SPINDOC: variants seen among roughly 807,000 people sequenced by gnomAD.
The protein encoded by SPINDOC is spindlin interactor and repressor of chromatin binding.
SPINDOC carries 13 observed loss-of-function variants against 30.7 expected under a neutral mutation model. That is an observed-to-expected ratio of 0.42 (90% CI 0.28 to 0.67). The LOEUF (loss-of-function observed/expected upper bound fraction) is 0.67, where lower values mean the gene tolerates loss of function less well. SPINDOC is among the 30% of genes least tolerant of loss of function. SPINDOC has a pLI of 0.22. For synonymous variants in SPINDOC, 228 were observed against 211.4 expected (o/e 1.08, Z -0.68); for missense variants, 438 against 518.0 (o/e 0.85, Z 1.50).
chr11:63,813,833 C>T lies in SPINDOC; in HGVS notation c.127+20C>T, dbSNP rs1211880374. On this transcript the variant is annotated intron_variant, in intron 1 of 5. Transcript: ENST00000294244. ...TCAGAGGTGAGGATGGAGGGGATTC[C>T]ACTTCCGCGTCACGGTGCGGGGCCG... 1.3e-6 allele frequency: 2 copies of T among 1,506,750 alleles called. No homozygotes were observed. The allele number at this position is 1,506,750 out of a possible 1,614,324, so 93.3% of individuals were successfully genotyped here. A position where few individuals can be genotyped will look rare whatever the true frequency, so the allele number is the denominator to read the frequency against.
At position 63,813,556 on chromosome 11, in the gene SPINDOC, G is replaced by A. The variant is rs1003438408; in HGVS notation, c.-131G>A. Reference sequence around the variant, plus strand: ...GGCCGGCGAGCGGCGGGCGGGCGGCGGGGAGGGGGCTGCGCGGGGCGGGCG... The same window carrying A: ...GGCCGGCGAGCGGCGGGCGGGCGGCAGGGAGGGGGCTGCGCGGGGCGGGCG... On this transcript the variant is annotated 5_prime_UTR_variant, in exon 1 of 6. Coordinates refer to ENST00000294244, the MANE Select transcript of SPINDOC (RefSeq NM_138471.3). 233 of 755,140 alleles carry A rather than the reference G, an allele frequency of 3.1e-4. No individual in the cohort carries two copies. Among genetic ancestry groups the A allele is most frequent in the Non-Finnish European group, 3.6e-4 (225 of 619,444 alleles). 46.8% of individuals were successfully genotyped at this position (755,140 alleles called of 1,614,324 possible).
At chr11:63,825,342 T>C (rs2015630145) in intron 5 of SPINDOC, among the ~76,000 whole-genome samples, 1 of 152,194 alleles carries the variant, frequency 6.6e-6, no homozygotes, top group Non-Finnish European at 1.5e-5. Flanking sequence ...CTCCTCCCTC[T>C]GCTCAAAATG....
chr11:63,823,253 G>C, intron 5 of SPINDOC: 1 of 1,282,794 alleles, frequency 7.8e-7, no homozygotes. Context: ...AGCTTGGACA[G>C]ATTTCTCAGA....
rs1313700263 is a variant in SPINDOC at position 63,827,339 on chromosome 11, G to C, written c.*200G>C. 2 of 948,628 alleles carry C rather than the reference G, an allele frequency of 2.1e-6. No homozygotes were observed. The highest frequency in any genetic ancestry group is 3.3e-5 in the African/African-American group (2 of 60,570). The allele number at this position is 948,628 out of a possible 1,614,324, so 58.8% of individuals were successfully genotyped here. On this transcript the variant is annotated 3_prime_UTR_variant, in exon 6 of 6. Coordinates refer to ENST00000294244, the MANE Select transcript of SPINDOC (RefSeq NM_138471.3). Reference sequence around the variant, plus strand: ...GGCCAGGCCTGAGGTCGGCGAGGGTGGCTGAGGCTGTTGTGCAGTAGGGCA... The same window carrying C: ...GGCCAGGCCTGAGGTCGGCGAGGGTCGCTGAGGCTGTTGTGCAGTAGGGCA...
At chr11:63,815,895 G>A (rs552502537) in intron 1 of SPINDOC, among the ~76,000 whole-genome samples, 8 of 152,188 alleles carry the variant, frequency 5.3e-5, no homozygotes, top group East Asian at 1.9e-4. Flanking sequence ...AACCTCCCGA[G>A]TAACTGGGAT....
At chr11:63,819,815 G>A (rs1296056802) in intron 5 of SPINDOC, among the ~76,000 whole-genome samples, 3 of 152,156 alleles carry the variant, frequency 2.0e-5, no homozygotes, top group Non-Finnish European at 4.4e-5. Flanking sequence ...TTTTCTTAGT[G>A]TTTCCTTGTT....
chr11:63,815,922 C>G (rs2015327585), intron 1 of SPINDOC, among the ~76,000 whole-genome samples: 1 of 152,202 alleles, frequency 6.6e-6, no homozygotes, highest in African/African-American at 2.4e-5. Flanking sequence ...CATGTGCCAC[C>G]ACGCCCAGCT....
At position 63,818,201 on chromosome 11, in the gene SPINDOC, T is replaced by C; in HGVS notation, c.458-15T>C. 1 of 1,613,986 alleles carries C rather than the reference T, an allele frequency of 6.2e-7. No homozygotes were observed. Among genetic ancestry groups the C allele is most frequent in the South Asian group, 1.1e-5 (1 of 91,078 alleles). On this transcript the variant is annotated splice_polypyrimidine_tract_variant and intron_variant, in intron 2 of 5. Coordinates refer to ENST00000294244, the MANE Select transcript of SPINDOC (RefSeq NM_138471.3). This position sits in a 1 kb window ranked among gnomAD's most constrained non-coding sequence, Gnocchi z 5.3. ...TTGGGGCACTAGAAGCTCATTGTGC[T>C]CTTGCTCCCTGCAGACTCGGGCCAG...
intron 1 of SPINDOC, among the ~76,000 whole-genome samples, chr11:63,817,528 C>T (rs1442340191): frequency 1.3e-5 from 2 of 152,038 alleles, no homozygotes; most frequent in African/African-American, 4.8e-5. Context: ...TGGAGACCTG[C>T]AAGAATGCAG....
chr11:63,814,037 G>A (rs1460841246), intron 1 of SPINDOC, among the ~76,000 whole-genome samples: 1 of 151,980 alleles, frequency 6.6e-6, no homozygotes, highest in Non-Finnish European at 1.5e-5. Context: ...CCTTTCCCCC[G>A]CCCAGGGTCT....
intron 5 of SPINDOC, chr11:63,823,148 A>C: frequency 7.8e-7 from 1 of 1,289,072 alleles, no homozygotes; most frequent in Non-Finnish European, 1.0e-6. Flanking sequence ...TATAGGCTGG[A>C]GGCAGTAAAT....
chr11:63,823,550 C>T (rs2015583382), intron 5 of SPINDOC, among the ~76,000 whole-genome samples: 1 of 152,110 alleles, frequency 6.6e-6, no homozygotes, highest in Admixed American at 6.6e-5. Flanking sequence ...CACAATGACC[C>T]ACTGACAAGT....
intron 5 of SPINDOC, among the ~76,000 whole-genome samples, chr11:63,820,688 G>A (rs992989269): frequency 2.0e-5 from 3 of 151,052 alleles, no homozygotes; most frequent in South Asian, 2.1e-4. Flanking sequence ...TCAGGAGATC[G>A]AGACCATCCT....
intron 1 of SPINDOC, among the ~76,000 whole-genome samples, chr11:63,816,078 G>T (rs1488415778): frequency 1.3e-5 from 2 of 152,174 alleles, no homozygotes; most frequent in Admixed American, 1.3e-4. Flanking sequence ...GGTCATGGAT[G>T]CTATGGTGTG....
At chr11:63,814,341 C>A (rs1333210029) in intron 1 of SPINDOC, among the ~76,000 whole-genome samples, 1 of 152,198 alleles carries the variant, frequency 6.6e-6, no homozygotes, top group African/African-American at 2.4e-5. Context: ...ATTCCCATTC[C>A]CGGGCCTTCC....
intron 5 of SPINDOC, chr11:63,822,878 T>G (rs999822902): frequency 1.2e-5 from 16 of 1,288,950 alleles, no homozygotes; most frequent in African/African-American, 4.6e-5. Context: ...ATCCCTGAGA[T>G]TCTAGGTTTC....
Position 63,818,666 on chromosome 11 carries a change from C to G in SPINDOC, c.733+14C>G, listed in dbSNP as rs576808102. 1 of 1,613,258 alleles carries G rather than the reference C, an allele frequency of 6.2e-7. No individual in the cohort carries two copies. The highest frequency in any genetic ancestry group is 1.1e-5 in the South Asian group (1 of 91,058). On this transcript the variant is annotated intron_variant, in intron 4 of 5. Coordinates refer to ENST00000294244, the MANE Select transcript of SPINDOC (RefSeq NM_138471.3). This position sits in a 1 kb window ranked among gnomAD's most constrained non-coding sequence, Gnocchi z 5.3. Reference sequence around the variant, plus strand: ...ACCCTGACCCAGGTGAAGGGGAGGCCCGGGGGAGGCGTGGGCTCTGGCCGC... The same window carrying G: ...ACCCTGACCCAGGTGAAGGGGAGGCGCGGGGGAGGCGTGGGCTCTGGCCGC...
rs1436287065 is a variant in SPINDOC at position 63,817,855 on chromosome 11, G to C, written c.178G>C (p.Gly60Arg). 5 of 1,610,050 alleles carry C rather than the reference G, an allele frequency of 3.1e-6. No individual in the cohort carries two copies. The highest frequency in any genetic ancestry group is 4.2e-6 in the Non-Finnish European group (5 of 1,178,290). The part of the protein sequence containing the change: ...PPPRPSPLEA[G>R]SDGCEEPKQQ... ...GCCTAGACCCAGCCCGCTAGAGGCA[G>C]GCAGTGATGGCTGTGAGGAGCCGAA... The change falls in exon 2 of 6, where the codon GGC becomes CGC. Residue 60 changes from glycine (G) to arginine (R), a missense_variant. By Grantham distance (125) the Gly-to-Arg change is moderately radical (BLOSUM62 -2). This residue lies in a region of SPINDOC where 129 missense variants were observed against 152.7 expected (regional missense o/e 0.84). Transcript: ENST00000294244.
chr11:63,824,250 C>G (rs2015600085), intron 5 of SPINDOC, among the ~76,000 whole-genome samples: 1 of 152,102 alleles, frequency 6.6e-6, no homozygotes, highest in African/African-American at 2.4e-5. Context: ...GTGGGCTGAT[C>G]ACTCACTCCT....
Sources: allele counts gnomAD v4.1 joint callset (sites outside exome capture counted in the v4.1 genomes callset), GRCh38; gene constraint gnomAD v4.1.1; regional missense constraint gnomAD v4.1.1; non-coding constraint Gnocchi (gnomAD v3.1); transcripts MANE v1.5; gene names NCBI Gene and HGNC (gene_info 2026-07-23, HGNC 2026-07-21).